Variants in CTTNBP2 observed in about 807,000 individuals in gnomAD.
The protein encoded by CTTNBP2 is cortactin-binding protein 2.
Under a neutral mutation model 156.9 loss-of-function variants are expected in CTTNBP2, and 108 were observed. The observed-to-expected ratio is 0.69, with a 90% CI of 0.59 to 0.81. The LOEUF is 0.81. Among genes scored for constraint, CTTNBP2 ranks in the 30% least tolerant of loss-of-function variants. The pLI, the probability that CTTNBP2 is intolerant of heterozygous loss-of-function variation, is 0.00. For missense variants in CTTNBP2, 1,924 were observed against 2,035.4 expected, an observed-to-expected ratio of 0.95 and a Z score of 1.05; for synonymous variants, 767 against 751.8, an observed-to-expected ratio of 1.02 and a Z score of -0.33.
intron 2 of CTTNBP2, among the ~76,000 whole-genome samples, chr7:117,817,860 A>T (rs1037888626): frequency 4.6e-5 from 7 of 152,224 alleles, no homozygotes; most frequent in African/African-American, 1.7e-4. Context: ...TTTATAGATA[A>T]GCAGACTGAG....
chr7:117,846,547 A>C lies in CTTNBP2; in HGVS notation c.189+14662T>G, dbSNP rs186583410. 1.0e-3 allele frequency among the ~76,000 whole-genome samples: 154 copies of C among 152,202 alleles called. 2 individuals carry two copies. The highest frequency in any genetic ancestry group is 9.4e-4 in the Non-Finnish European group (64 of 67,998). ...ACTAATCCCACATGGACCCAGAGTC[A>C]TTGTTCATGTACCAAAAGAAAAAAG... is the stretch of plus-strand genomic sequence containing the variant. On this transcript the variant is annotated intron_variant, in intron 2 of 22. Coordinates refer to ENST00000160373, the MANE Select transcript of CTTNBP2 (RefSeq NM_033427.3).
chr7:117,807,497 G>A (rs764278167), intron 3 of CTTNBP2, among the ~76,000 whole-genome samples: 7 of 152,070 alleles, frequency 4.6e-5, no homozygotes, highest in African/African-American at 7.2e-5. Context: ...CCATTTCTTC[G>A]GTTGTCTAGC....
intron 11 of CTTNBP2, among the ~76,000 whole-genome samples, 195 bp from the exon 12 acceptor site, chr7:117,756,829 C>T (rs1009500871): frequency 2.0e-5 from 3 of 152,176 alleles, no homozygotes; most frequent in Admixed American, 1.3e-4. Flanking sequence ...TGATAAACTG[C>T]CACTGCTCCT....
At chr7:117,873,213 A>C (rs1019573536) in intron 1 of CTTNBP2, 122 bp downstream of exon 1, 31 of 710,186 alleles carry the variant, frequency 4.4e-5, no homozygotes, top group Non-Finnish European at 6.1e-5. Context: ...ATGAAGGGGC[A>C]CCGGAGAGTC....
chr7:117,743,803 C>T, intron 14 of CTTNBP2, among the ~76,000 whole-genome samples: 1 of 147,372 alleles, frequency 6.8e-6, no homozygotes, highest in Non-Finnish European at 1.5e-5. Context: ...AATAGGGCCA[C>T]CAGTGTAAGA....
chr7:117,838,405 G>A lies in CTTNBP2; in HGVS notation c.189+22804C>T, dbSNP rs1802075002. 5.3e-5 allele frequency among the ~76,000 whole-genome samples: 8 copies of A among 152,238 alleles called. No homozygotes were observed. In the South Asian group the frequency reaches 1.7e-3, roughly 32 times the overall value. ...TGGTCTCTAATGCTAATATCATCAA[G>A]GAGTCTAATGTGGTTATGTGACACC... is the stretch of plus-strand genomic sequence containing the variant. On this transcript the variant is annotated intron_variant, in intron 2 of 22. Coordinates refer to ENST00000160373, the MANE Select transcript of CTTNBP2 (RefSeq NM_033427.3).
intron 2 of CTTNBP2, among the ~76,000 whole-genome samples, chr7:117,848,348 C>A (rs1802729424): frequency 6.6e-6 from 1 of 152,122 alleles, no homozygotes; most frequent in African/African-American, 2.4e-5. Context: ...CACCACCCCA[C>A]CTGATCACTT....
At chr7:117,818,526 T>C (rs1800759392) in intron 2 of CTTNBP2, among the ~76,000 whole-genome samples, 1 of 152,084 alleles carries the variant, frequency 6.6e-6, no homozygotes, top group Admixed American at 6.6e-5. Flanking sequence ...CTTAGGGGTG[T>C]CAATTAACAA....
intron 17 of CTTNBP2, among the ~76,000 whole-genome samples, chr7:117,727,342 C>T (rs1338794567): frequency 1.3e-5 from 2 of 152,118 alleles, no homozygotes; most frequent in Non-Finnish European, 2.9e-5. Context: ...ACTACAGGTA[C>T]ATGCCACTAT....
chr7:117,780,814 G>T (rs1798390810), intron 6 of CTTNBP2, among the ~76,000 whole-genome samples: 1 of 152,080 alleles, frequency 6.6e-6, no homozygotes, highest in African/African-American at 2.4e-5. Context: ...TTTCTCCCAG[G>T]AAATTTTGAA....
chr7:117,864,818 C>CT, intron 1 of CTTNBP2, among the ~76,000 whole-genome samples: 1 of 137,428 alleles, frequency 7.3e-6, no homozygotes, highest in African/African-American at 2.8e-5. Context: ...TATATTCATT[C>CT]AATATATATT....
intron 2 of CTTNBP2, among the ~76,000 whole-genome samples, chr7:117,848,252 G>T (rs1802722661): frequency 6.6e-6 from 1 of 152,154 alleles, no homozygotes; most frequent in Non-Finnish European, 1.5e-5. Context: ...TGCTTCCTGA[G>T]ATGATCTGCT....
chr7:117,823,337 G>C (rs1185917489), intron 2 of CTTNBP2, among the ~76,000 whole-genome samples: 1 of 152,018 alleles, frequency 6.6e-6, no homozygotes, highest in Non-Finnish European at 1.5e-5. Flanking sequence ...ACATTTAAAA[G>C]ACTTTTTCAT....
chr7:117,821,354 TTTTC>T lies in CTTNBP2; in HGVS notation c.190-10369_190-10366del, dbSNP rs1222297235. 3.9e-5 allele frequency among the ~76,000 whole-genome samples: 6 copies of T among 151,912 alleles called. 1 individual carries two copies. The highest frequency in any genetic ancestry group is 1.3e-4 in the Admixed American group (2 of 15,248). On this transcript the variant is annotated intron_variant, in intron 2 of 22. Coordinates refer to ENST00000160373, the MANE Select transcript of CTTNBP2 (RefSeq NM_033427.3). ...TTTTTTTTTTGTTGTTGTTTTTCAG[TTTTC>T]TTTTTGTTTTTTGTTTTTTAATAGC... is the stretch of plus-strand genomic sequence containing the variant.
chr7:117,799,203 A>AT (rs1311448890), intron 3 of CTTNBP2, among the ~76,000 whole-genome samples: 6 of 151,732 alleles, frequency 4.0e-5, no homozygotes, highest in South Asian at 2.1e-4. Flanking sequence ...CAAAACAAAA[A>AT]TTTTTTTTAA....
chr7:117,829,637 T>C (rs1801487752), intron 2 of CTTNBP2, among the ~76,000 whole-genome samples: 1 of 152,194 alleles, frequency 6.6e-6, no homozygotes, highest in Admixed American at 6.5e-5. Flanking sequence ...TATCTCCCCA[T>C]GTGGCCAGCC....
chr7:117,806,744 ATTTTTTTTT>A (rs3059529), intron 3 of CTTNBP2, among the ~76,000 whole-genome samples: 1 of 119,226 alleles, frequency 8.4e-6, no homozygotes, highest in African/African-American at 3.1e-5. Context: ...TCTTTTTCTC[ATTTTTTTTT>A]TTTTTTTTTT....
At chr7:117,808,444 A>T (rs1800074821) in intron 3 of CTTNBP2, among the ~76,000 whole-genome samples, 1 of 152,162 alleles carries the variant, frequency 6.6e-6, no homozygotes, top group Non-Finnish European at 1.5e-5. Context: ...CTCTTGCCCA[A>T]ATTTCCCTGG....
intron 7 of CTTNBP2, among the ~76,000 whole-genome samples, chr7:117,778,191 T>C (rs1425444647): frequency 6.6e-6 from 1 of 152,202 alleles, no homozygotes; most frequent in Non-Finnish European, 1.5e-5. Context: ...GTTTTACTTA[T>C]AAGGCACTGA....
Sources: gnomAD v4.1 joint callset for allele counts (sites outside exome capture counted in the v4.1 genomes callset) on GRCh38, gnomAD v4.1.1 for gene constraint, MANE v1.5 for transcripts, NCBI Gene and HGNC (gene_info 2026-07-23, HGNC 2026-07-21) for gene names.